ZNF827: variants seen among roughly 807,000 people sequenced by gnomAD.
ZNF827 encodes zinc finger protein 827.
ZNF827 carries 13 observed loss-of-function variants against 102.4 expected under a neutral mutation model. The observed-to-expected ratio is 0.13, with a 90% confidence interval of 0.08 to 0.20. The LOEUF is 0.20. ZNF827 is among the 10% of genes least tolerant of loss of function. The pLI, the probability that ZNF827 is intolerant of heterozygous loss-of-function variation, is 1.00. For synonymous variants in ZNF827, 523 were observed against 536.2 expected, an observed-to-expected ratio of 0.98 and a Z score of 0.34; for missense variants, 1,103 against 1,344.4, an observed-to-expected ratio of 0.82 and a Z score of 2.81.
intron 8 of ZNF827, among the ~76,000 whole-genome samples, chr4:145,818,240 G>A (rs1255356124): frequency 1.3e-5 from 2 of 152,212 alleles, no homozygotes; most frequent in African/African-American, 2.4e-5. Flanking sequence ...TGACTTAGCA[G>A]GCAGCAAGAT....
intron 1 of ZNF827, among the ~76,000 whole-genome samples, chr4:145,915,192 A>C (rs1752582010): frequency 6.6e-6 from 1 of 152,190 alleles, no homozygotes; most frequent in South Asian, 2.1e-4. Flanking sequence ...TCACGCCTGT[A>C]ATCTCAGCCC....
At chr4:145,933,572 A>C (rs753610296) in intron 1 of ZNF827, among the ~76,000 whole-genome samples, 19 of 152,236 alleles carry the variant, frequency 1.2e-4, no homozygotes, top group Non-Finnish European at 1.3e-4. Flanking sequence ...TTTGTTAATG[A>C]AGAACACAAT....
intron 7 of ZNF827, among the ~76,000 whole-genome samples, chr4:145,837,615 T>A (rs1375979791): frequency 6.6e-6 from 1 of 152,214 alleles, no homozygotes; most frequent in Non-Finnish European, 1.5e-5. Flanking sequence ...TGATATCTCC[T>A]GGTGCTATCC....
intron 8 of ZNF827, among the ~76,000 whole-genome samples, chr4:145,779,963 A>C (rs1737724873): frequency 6.6e-6 from 1 of 152,154 alleles, no homozygotes; most frequent in Non-Finnish European, 1.5e-5. Flanking sequence ...GGCTGAGGCG[A>C]GTAGATCACT....
chr4:145,848,195 A>G (rs1746168994), intron 6 of ZNF827, among the ~76,000 whole-genome samples: 1 of 152,244 alleles, frequency 6.6e-6, no homozygotes, highest in African/African-American at 2.4e-5. Flanking sequence ...CATAAATAAA[A>G]GTAGCCTGTT....
intron 1 of ZNF827, among the ~76,000 whole-genome samples, chr4:145,928,077 A>G (rs1753559825): frequency 1.3e-5 from 2 of 152,178 alleles, no homozygotes; most frequent in Non-Finnish European, 2.9e-5. Context: ...GAGGAGTTGC[A>G]GTCCATTACC....
chr4:145,916,789 G>A (rs964306661), intron 1 of ZNF827, among the ~76,000 whole-genome samples: 8 of 152,030 alleles, frequency 5.3e-5, no homozygotes, highest in African/African-American at 1.7e-4. Flanking sequence ...AAGCCATGTA[G>A]CTCCTTCAAC....
rs1265086696 is a variant in ZNF827, at chr4:145,902,902, C to T, written c.357G>A (p.Leu119=). 3.1e-6 allele frequency: 5 copies of T among 1,614,114 alleles called. No individual in the cohort carries two copies. Among genetic ancestry groups the T allele is most frequent in the South Asian group, 2.2e-5 (2 of 91,074 alleles). ...CDDDPGSNKP[L]SSNLRRLLEA... ...CCAGCAGCCGCCTCAAATTGCTGCT[C>T]AGGGGCTTGTTGGAGCCTGGGTCAT... Residue 119 remains leucine, a synonymous_variant, in exon 2 of 15, where the codon CTG becomes CTA. Coordinates refer to ENST00000508784, the MANE Select transcript of ZNF827 (RefSeq NM_001306215.2). This position sits in a 1 kb window ranked among gnomAD's most constrained non-coding sequence, Gnocchi z 4.3.
chr4:145,877,237 C>A (rs1749222013), intron 4 of ZNF827, among the ~76,000 whole-genome samples: 1 of 152,180 alleles, frequency 6.6e-6, no homozygotes, highest in African/African-American at 2.4e-5. Flanking sequence ...GCTTAACTCT[C>A]CAGATCACAA....
At chr4:145,919,005 C>T (rs1396016276) in intron 1 of ZNF827, among the ~76,000 whole-genome samples, 2 of 150,314 alleles carry the variant, frequency 1.3e-5, no homozygotes, top group African/African-American at 4.9e-5. Flanking sequence ...CCTATAATCC[C>T]AGCACTTTGG....
chr4:145,807,420 A>G (rs547805495), intron 8 of ZNF827, among the ~76,000 whole-genome samples: 1 of 139,752 alleles, frequency 7.2e-6, no homozygotes, highest in South Asian at 2.5e-4. Flanking sequence ...AAAACCCTCA[A>G]TCAGAGTTCC....
At chr4:145,842,272 G>T (rs1745494030) in intron 7 of ZNF827, among the ~76,000 whole-genome samples, 1 of 152,150 alleles carries the variant, frequency 6.6e-6, no homozygotes, top group African/African-American at 2.4e-5. Flanking sequence ...TATAACAGAG[G>T]TATCAACAAG....
intron 1 of ZNF827, among the ~76,000 whole-genome samples, chr4:145,911,100 G>C: frequency 6.6e-6 from 1 of 152,210 alleles, no homozygotes; most frequent in Non-Finnish European, 1.5e-5. Flanking sequence ...TTGTAAATTA[G>C]AATGCTATTT....
chr4:145,838,101 T>C (rs1400976787), intron 7 of ZNF827, among the ~76,000 whole-genome samples: 1 of 152,164 alleles, frequency 6.6e-6, no homozygotes, highest in Non-Finnish European at 1.5e-5. Flanking sequence ...CCCTGTGACT[T>C]GCACGTATAT....
intron 1 of ZNF827, among the ~76,000 whole-genome samples, chr4:145,930,008 C>T (rs914415110): frequency 1.3e-4 from 20 of 152,196 alleles, no homozygotes; most frequent in African/African-American, 4.8e-4. Context: ...GTACGTTTGA[C>T]TGCTGCCCTA....
At chr4:145,862,626 T>C (rs1747841950) in intron 5 of ZNF827, among the ~76,000 whole-genome samples, 1 of 152,120 alleles carries the variant, frequency 6.6e-6, no homozygotes, top group African/African-American at 2.4e-5. Flanking sequence ...TGTAAGTCAT[T>C]TAAAAAGTTG....
chr4:145,842,117 T>C (rs1745479679), intron 7 of ZNF827, among the ~76,000 whole-genome samples: 1 of 151,936 alleles, frequency 6.6e-6, no homozygotes, highest in African/African-American at 2.4e-5. Flanking sequence ...ATTATAAGAG[T>C]TTTTAAAAAT....
intron 1 of ZNF827, among the ~76,000 whole-genome samples, chr4:145,932,849 C>T (rs1463136128): frequency 2.0e-5 from 3 of 152,188 alleles, no homozygotes; most frequent in Admixed American, 1.3e-4. Context: ...CTTAGGTGTG[C>T]CCATAGTCTT....
chr4:145,796,255 T>G (rs138249309), intron 8 of ZNF827, among the ~76,000 whole-genome samples: 22 of 152,292 alleles, frequency 1.4e-4, no homozygotes, highest in Admixed American at 3.3e-4. Flanking sequence ...CAGAGCTGCT[T>G]AAGAATAATT....
Sources: gnomAD v4.1 joint callset for allele counts (sites outside exome capture counted in the v4.1 genomes callset) on GRCh38, gnomAD v4.1.1 for gene constraint, Gnocchi (gnomAD v3.1) non-coding constraint, MANE v1.5 for transcripts, NCBI Gene and HGNC (gene_info 2026-07-23, HGNC 2026-07-21) for gene names.